HSPBAP1: variants seen among roughly 807,000 people sequenced by gnomAD.
The protein encoded by HSPBAP1 is HSPB1-associated protein 1.
Under a neutral mutation model 45.2 loss-of-function variants are expected in HSPBAP1, and 27 were observed. The ratio of observed to expected loss-of-function variants is 0.60; its 90% CI spans 0.44 to 0.82. The LOEUF (loss-of-function observed/expected upper bound fraction) is 0.82, where lower values mean the gene tolerates loss of function less well. Among genes scored for constraint, HSPBAP1 ranks in the 40% least tolerant of loss-of-function variants. HSPBAP1 has a pLI of 0.00. For synonymous variants in HSPBAP1, 204 were observed against 202.7 expected (o/e 1.01, Z -0.06); for missense variants, 510 against 590.9 (o/e 0.86, Z 1.42).
At chr3:122,770,516 C>G (rs763642526) in intron 2 of HSPBAP1, among the ~76,000 whole-genome samples, 1 of 151,902 alleles carries the variant, frequency 6.6e-6, no homozygotes, top group Non-Finnish European at 1.5e-5. Flanking sequence ...CTGGGCAATA[C>G]GGTGAAACCC....
chr3:122,789,939 T>G (rs1314162100), intron 1 of HSPBAP1, among the ~76,000 whole-genome samples: 1 of 149,540 alleles, frequency 6.7e-6, no homozygotes, highest in Non-Finnish European at 1.5e-5. Flanking sequence ...CTCAACTCAC[T>G]ACAACCTCCG....
intron 3 of HSPBAP1, among the ~76,000 whole-genome samples, chr3:122,765,752 G>A (rs1934757063): frequency 6.6e-6 from 1 of 152,136 alleles, no homozygotes; most frequent in African/African-American, 2.4e-5. Context: ...TACTAATTCA[G>A]TAAGTCAATA....
chr3:122,742,964 T>C (rs1207582392), intron 6 of HSPBAP1, among the ~76,000 whole-genome samples: 1 of 152,232 alleles, frequency 6.6e-6, no homozygotes, highest in East Asian at 1.9e-4. Context: ...AAGATATCTA[T>C]CTACGTATAT....
chr3:122,771,605 CT>C (rs1467031306), intron 2 of HSPBAP1, among the ~76,000 whole-genome samples: 3 of 152,194 alleles, frequency 2.0e-5, no homozygotes. Context: ...CTAAACAGGT[CT>C]TTCGATCACT....
intron 3 of HSPBAP1, among the ~76,000 whole-genome samples, chr3:122,765,221 T>G (rs1934734612): frequency 6.6e-6 from 1 of 152,226 alleles, no homozygotes; most frequent in African/African-American, 2.4e-5. Context: ...TGTTTGAAAT[T>G]TGGATTGAAA....
At chr3:122,780,501 C>G (rs1351323751) in intron 1 of HSPBAP1, among the ~76,000 whole-genome samples, 3 of 99,412 alleles carry the variant, frequency 3.0e-5, no homozygotes, top group Admixed American at 1.0e-4. Flanking sequence ...GCTGGCCGGG[C>G]GGGGGCTGAC....
At chr3:122,767,029 A>G (rs1934806756) in intron 3 of HSPBAP1, among the ~76,000 whole-genome samples, 1 of 152,260 alleles carries the variant, frequency 6.6e-6, no homozygotes, top group Non-Finnish European at 1.5e-5. Flanking sequence ...AAACACTTTT[A>G]AAGTTAACTA....
chr3:122,754,919 A>T, intron 5 of HSPBAP1: 1 of 1,015,714 alleles, frequency 9.8e-7, no homozygotes. Context: ...AACTGTGATT[A>T]AATGTTCCAG....
intron 6 of HSPBAP1, among the ~76,000 whole-genome samples, chr3:122,747,046 C>G (rs1363430125): frequency 6.6e-6 from 1 of 152,012 alleles, no homozygotes. Flanking sequence ...CCCAAAGTGC[C>G]GAGATTGCAG....
chr3:122,749,883 T>C (rs750974814), intron 6 of HSPBAP1, among the ~76,000 whole-genome samples: 1 of 151,872 alleles, frequency 6.6e-6, no homozygotes, highest in Non-Finnish European at 1.5e-5. Flanking sequence ...GTGCCGGGAT[T>C]ATAGGTGTGA....
Position 122,793,762 on chromosome 3 carries a change from C to G in HSPBAP1, c.-82G>C. 7.6e-7 allele frequency: 1 copy of G among 1,309,064 alleles called. No individual in the cohort carries two copies. Among genetic ancestry groups the G allele is most frequent in the Non-Finnish European group, 1.1e-6 (1 of 915,624 alleles). The allele number at this position is 1,309,064 out of a possible 1,614,324, so 81.1% of individuals were successfully genotyped here. The stretch of plus-strand genomic sequence containing the variant: ...TCAGAGTAGGGGCCAAACTCCGAGA[C>G]CCGAAGCTGCACCACAGGAAGGAGC... On this transcript the variant is annotated 5_prime_UTR_variant, in exon 1 of 8. Coordinates refer to ENST00000306103, the MANE Select transcript of HSPBAP1 (RefSeq NM_024610.6).
chr3:122,759,217 A>G lies in HSPBAP1; in HGVS notation c.569+7T>C, dbSNP rs753919792. The G allele has an allele frequency of 2.2e-5, 36 of 1,610,188 alleles. No homozygotes were observed. The East Asian group carries it at 7.6e-4, about 34-fold the overall frequency. The stretch of plus-strand genomic sequence containing the variant: ...CACACACACACACACACACACACAC[A>G]CATTACCTTCCTTGTACCTGGAATA... On this transcript the variant is annotated splice_region_variant and intron_variant, in intron 4 of 7. Transcript: ENST00000306103.
chr3:122,784,600 C>T (rs1478661161), intron 1 of HSPBAP1, among the ~76,000 whole-genome samples: 1 of 152,102 alleles, frequency 6.6e-6, no homozygotes, highest in Non-Finnish European at 1.5e-5. Context: ...TTGCAATAGC[C>T]AAGCGATAAG....
chr3:122,784,821 CTTGA>C, intron 1 of HSPBAP1, among the ~76,000 whole-genome samples: 1 of 152,186 alleles, frequency 6.6e-6, no homozygotes, highest in East Asian at 1.9e-4. Flanking sequence ...AGATGAGTAG[CTTGA>C]TTTTGAACAC....
intron 3 of HSPBAP1, among the ~76,000 whole-genome samples, chr3:122,761,310 A>T (rs1157903199): frequency 1.3e-5 from 2 of 152,174 alleles, no homozygotes; most frequent in African/African-American, 2.4e-5. Flanking sequence ...GAAACTTTAT[A>T]TATACTTTCA....
At chr3:122,777,346 C>T (rs1448752893) in intron 2 of HSPBAP1, among the ~76,000 whole-genome samples, 5 of 152,020 alleles carry the variant, frequency 3.3e-5, no homozygotes, top group African/African-American at 9.7e-5. Flanking sequence ...AAAAAGTGGA[C>T]GGGACTATTA....
chr3:122,791,892 T>C (rs1199248824), intron 1 of HSPBAP1, among the ~76,000 whole-genome samples: 1 of 152,202 alleles, frequency 6.6e-6, no homozygotes, highest in Non-Finnish European at 1.5e-5. Flanking sequence ...GAGTCACTTT[T>C]TGCTGCAGAG....
intron 6 of HSPBAP1, among the ~76,000 whole-genome samples, chr3:122,748,456 G>C (rs1437279818): frequency 6.6e-6 from 1 of 151,224 alleles, no homozygotes; most frequent in Non-Finnish European, 1.5e-5. Context: ...ATGGATAAGA[G>C]ATCGAAATGC....
chr3:122,782,656 TCAA>T (rs1935526249), intron 1 of HSPBAP1, among the ~76,000 whole-genome samples: 1 of 152,174 alleles, frequency 6.6e-6, no homozygotes, highest in Non-Finnish European at 1.5e-5. Context: ...TCTCTGACCC[TCAA>T]AATATATATT....
Sources: gnomAD v4.1 joint callset for allele counts (sites outside exome capture counted in the v4.1 genomes callset) on GRCh38, gnomAD v4.1.1 for gene constraint, MANE v1.5 for transcripts, NCBI Gene and HGNC (gene_info 2026-07-23, HGNC 2026-07-21) for gene names.